Variants in TRPC4AP observed in about 807,000 individuals in gnomAD.
TRPC4AP encodes transient receptor potential cation channel subfamily C member 4 associated protein, also known as short transient receptor potential channel 4-associated protein.
A neutral mutation model predicts 99.0 loss-of-function variants in TRPC4AP; 45 were observed. That is an observed-to-expected ratio of 0.45 (90% CI 0.36 to 0.58). TRPC4AP has a LOEUF of 0.58. TRPC4AP is among the 20% of genes least tolerant of loss of function. The probability of loss-of-function intolerance (pLI) is 0.00; values close to 1 mark genes in which losing one functional copy is unlikely to be tolerated. For missense variants in TRPC4AP, 879 were observed against 985.3 expected (o/e 0.89, Z 1.44); for synonymous variants, 408 against 385.8 (o/e 1.06, Z -0.67).
chr20:35,021,492 C>A, intron 8 of TRPC4AP, 136 bp from the exon 9 acceptor site: 1 of 971,796 alleles, frequency 1.0e-6, no homozygotes, highest in Non-Finnish European at 1.5e-6. Flanking sequence ...ACTCTGAAAG[C>A]TGCAAAACTC....
intron 7 of TRPC4AP, among the ~76,000 whole-genome samples, chr20:35,040,826 T>A (rs2083430695): frequency 6.6e-6 from 1 of 152,190 alleles, no homozygotes; most frequent in East Asian, 1.9e-4. Flanking sequence ...GTGAGCCAAT[T>A]CCCCTAACAA....
chr20:35,003,938 C>T (rs1353505412), intron 17 of TRPC4AP, among the ~76,000 whole-genome samples: 2 of 152,182 alleles, frequency 1.3e-5, no homozygotes, highest in Non-Finnish European at 2.9e-5. Context: ...TGTGTTGGGG[C>T]GGTTATCCCG....
At position 35,035,276 on chromosome 20, in the gene TRPC4AP, G is replaced by A. The variant is rs1397265328; in HGVS notation, c.898C>T (p.Arg300Trp). 3 of 1,613,904 alleles carry A rather than the reference G, an allele frequency of 1.9e-6. No homozygotes were observed. Among genetic ancestry groups the A allele is most frequent in the Non-Finnish European group, 2.5e-6 (3 of 1,179,924 alleles). Residue 300 changes from arginine (R) to tryptophan (W), a missense_variant, in exon 8 of 19, where the codon CGG becomes TGG. Arg to Trp is a moderately radical substitution (Grantham distance 101). Around this residue, in one of 3 missense-constraint regions of TRPC4AP, gnomAD observed 603 missense variants for 631.8 expected, o/e 0.95. Transcript: ENST00000252015. ...TTTCGAGTCGCCAGTTTGCAAAGCCGCTCAACAAAGCCAGGAATGCTGAGA... is the reference window on the plus strand; with the variant it reads ...TTTCGAGTCGCCAGTTTGCAAAGCCACTCAACAAAGCCAGGAATGCTGAGA... ...ALLSIPGFVERLCKLATRKVS... is the reference protein window; with the variant it reads ...ALLSIPGFVEWLCKLATRKVS...
chr20:35,020,841 C>T (rs991250728), intron 9 of TRPC4AP, among the ~76,000 whole-genome samples: 3 of 152,174 alleles, frequency 2.0e-5, no homozygotes, highest in African/African-American at 7.2e-5. Context: ...TGTCCCACTG[C>T]CCTGAGCCCA....
chr20:35,091,296 G>C (rs1224904552), intron 1 of TRPC4AP, among the ~76,000 whole-genome samples: 1 of 152,018 alleles, frequency 6.6e-6, no homozygotes, highest in African/African-American at 2.4e-5. Context: ...AAGAACACAA[G>C]GGGGAAAAAG....
At chr20:35,013,324 A>G (rs1569084800) in intron 10 of TRPC4AP, among the ~76,000 whole-genome samples, 1 of 152,208 alleles carries the variant, frequency 6.6e-6, no homozygotes, top group Non-Finnish European at 1.5e-5. Flanking sequence ...TTACACCTGT[A>G]ATCACAGCAC....
chr20:35,048,699 G>A (rs530706863), intron 6 of TRPC4AP, among the ~76,000 whole-genome samples: 9 of 152,298 alleles, frequency 5.9e-5, no homozygotes, highest in Admixed American at 4.6e-4. Context: ...TACACAAAAA[G>A]GAATGAGAGG....
chr20:35,084,836 A>C (rs1233884754), intron 1 of TRPC4AP, among the ~76,000 whole-genome samples: 1 of 151,726 alleles, frequency 6.6e-6, no homozygotes, highest in Non-Finnish European at 1.5e-5. Flanking sequence ...TGTTTTTAAC[A>C]CTACAAAAAA....
chr20:35,042,669 C>T (rs1271376450), intron 7 of TRPC4AP, among the ~76,000 whole-genome samples: 1 of 152,036 alleles, frequency 6.6e-6, no homozygotes, highest in Non-Finnish European at 1.5e-5. Flanking sequence ...TTTTAAGACA[C>T]AAGTTTCAGT....
At position 35,007,644 on chromosome 20, in the gene TRPC4AP, C is replaced by A. The variant is rs377285273; in HGVS notation, c.1596-4G>T. Reference sequence around the variant, plus strand: ...CACAGCCCGAGCTTGCCAAAACCTGCGACCCAAATACTGGCTCAGGTGGCT... The same window carrying A: ...CACAGCCCGAGCTTGCCAAAACCTGAGACCCAAATACTGGCTCAGGTGGCT... On this transcript the variant is annotated splice_region_variant and splice_polypyrimidine_tract_variant and intron_variant, in intron 13 of 18. Transcript: ENST00000252015. 4 of 1,614,160 alleles carry A rather than the reference C, an allele frequency of 2.5e-6. No homozygotes were observed. Among genetic ancestry groups the A allele is most frequent in the Non-Finnish European group, 3.4e-6 (4 of 1,179,994 alleles).
At chr20:35,028,497 T>C (rs2083084512) in intron 8 of TRPC4AP, among the ~76,000 whole-genome samples, 1 of 152,230 alleles carries the variant, frequency 6.6e-6, no homozygotes, top group Non-Finnish European at 1.5e-5. Flanking sequence ...AAGTTTGTTA[T>C]TTATTTCTAA....
At chr20:35,089,064 T>TC (rs1240551406) in intron 1 of TRPC4AP, among the ~76,000 whole-genome samples, 1 of 150,720 alleles carries the variant, frequency 6.6e-6, no homozygotes, top group South Asian at 2.1e-4. Flanking sequence ...ATACAGGGTT[T>TC]CACCATGTTG....
chr20:35,088,986 T>A (rs2084963124), intron 1 of TRPC4AP, among the ~76,000 whole-genome samples: 1 of 151,924 alleles, frequency 6.6e-6, no homozygotes, highest in South Asian at 2.1e-4. Flanking sequence ...GAAAAAGTTC[T>A]GGAAATCTGT....
rs2085106819 is a variant in TRPC4AP, at chr20:35,092,602, C to T, written c.168+12G>A. 8.0e-7 allele frequency: 1 copy of T among 1,247,052 alleles called. No homozygotes were observed. Among genetic ancestry groups the T allele is most frequent in the Non-Finnish European group, 1.1e-6 (1 of 941,340 alleles). 77.2% of individuals were successfully genotyped at this position (1,247,052 alleles called of 1,614,324 possible). On this transcript the variant is annotated intron_variant, in intron 1 of 18. Coordinates refer to ENST00000252015, the MANE Select transcript of TRPC4AP (RefSeq NM_015638.3). The stretch of plus-strand genomic sequence containing the variant: ...TCCGCCCCGCCCCGCCCCTCCTGGT[C>T]CAGCCTCGTACCTGCACCGCCCGGA...
rs1341691995 is a variant in TRPC4AP, at chr20:35,069,334, G to T, written c.376C>A (p.Pro126Thr). Residue 126 changes from proline (P) to threonine (T), a missense_variant, in exon 3 of 19, where the codon CCA becomes ACA. Pro to Thr is a conservative substitution (Grantham distance 38). This residue lies in a region of TRPC4AP where 603 missense variants were observed against 631.8 expected (regional missense o/e 0.95). Coordinates refer to ENST00000252015, the MANE Select transcript of TRPC4AP (RefSeq NM_015638.3). ...ERKLTQETTY[P>T]NTYIFDLFGG... is the part of the protein sequence containing the mutation. Reference sequence around the variant, plus strand: ...AACAAGTCAAAAATGTAAGTATTTGGATAAGTGGTTTCTTGGGTAAGTTTC... The same window carrying T: ...AACAAGTCAAAAATGTAAGTATTTGTATAAGTGGTTTCTTGGGTAAGTTTC... 1 of 1,611,482 alleles carries T rather than the reference G, an allele frequency of 6.2e-7. No individual in the cohort carries two copies. The highest frequency in any genetic ancestry group is 1.1e-5 in the South Asian group (1 of 90,986).
chr20:35,092,563 CAG>C, intron 1 of TRPC4AP, 49 bp downstream of exon 1: 13 of 1,386,122 alleles, frequency 9.4e-6, no homozygotes, highest in African/African-American at 1.5e-5. Flanking sequence ...GGCCCCCCGC[CAG>C]CTCCCGCCTG....
chr20:35,041,913 G>A (rs572975426), intron 7 of TRPC4AP, among the ~76,000 whole-genome samples: 117 of 152,274 alleles, frequency 7.7e-4, no homozygotes, highest in Non-Finnish European at 1.4e-3. Context: ...GTTACCCAGC[G>A]TTTGCCACAT....
intron 7 of TRPC4AP, among the ~76,000 whole-genome samples, chr20:35,039,434 A>G (rs568755884): frequency 2.3e-4 from 35 of 152,332 alleles, no homozygotes; most frequent in African/African-American, 8.4e-4. Context: ...ACACAATCTC[A>G]TGGGCTGACA....
chr20:35,037,142 C>T (rs769442044), intron 7 of TRPC4AP, among the ~76,000 whole-genome samples: 2 of 151,944 alleles, frequency 1.3e-5, no homozygotes, highest in African/African-American at 4.8e-5. Flanking sequence ...GTCAGGAGAT[C>T]GAGACCATCC....
Sources: gnomAD v4.1 joint callset for allele counts (sites outside exome capture counted in the v4.1 genomes callset) on GRCh38, gnomAD v4.1.1 for gene constraint, gnomAD v4.1.1 regional missense constraint, MANE v1.5 for transcripts, NCBI Gene and HGNC (gene_info 2026-07-23, HGNC 2026-07-21) for gene names.